Variants in DST observed in about 807,000 individuals in gnomAD.
The protein encoded by DST is dystonin.
In DST, 253 loss-of-function variants were observed where a neutral mutation model predicts 875.2. The observed-to-expected ratio is 0.29, with a 90% CI of 0.26 to 0.32. The LOEUF is 0.32. Ranked by LOEUF, DST falls within the 10% of genes least tolerant of loss-of-function variation. The pLI is 1.00. For missense variants in DST, 8,287 were observed against 9,111.6 expected (o/e 0.91, Z 3.68); for synonymous variants, 3,124 against 3,197.1 (o/e 0.98, Z 0.77).
At chr6:56,751,109 T>C (rs550459864) in intron 4 of DST, among the ~76,000 whole-genome samples, 3 of 152,166 alleles carry the variant, frequency 2.0e-5, no homozygotes, top group African/African-American at 7.2e-5. Context: ...CAGATGAAGA[T>C]CAAAACAAGA....
intron 3 of DST, among the ~76,000 whole-genome samples, chr6:56,872,832 C>CTT (rs1554220821): frequency 0.028 from 3,551 of 127,808 alleles, 153 homozygotes; most frequent in African/African-American, 0.094. Flanking sequence ...TCCCCCCCCC[C>CTT]TTTTTTTTTT....
intron 10 of DST, among the ~76,000 whole-genome samples, chr6:56,660,613 C>CAAAA (rs34162063): frequency 1.1e-5 from 1 of 89,088 alleles, no homozygotes; most frequent in East Asian, 3.2e-4. Flanking sequence ...TTGCAATCAC[C>CAAAA]AAAAAAAAAA....
At chr6:56,547,403 C>T (rs978521504) in intron 61 of DST, among the ~76,000 whole-genome samples, 1 of 152,120 alleles carries the variant, frequency 6.6e-6, no homozygotes, top group Admixed American at 6.5e-5. Flanking sequence ...AAAAGCCATG[C>T]ATCTAGTTAC....
chr6:56,761,713 A>T (rs1478008481), intron 4 of DST, among the ~76,000 whole-genome samples: 5 of 152,156 alleles, frequency 3.3e-5, no homozygotes, highest in Non-Finnish European at 7.3e-5. Flanking sequence ...TTAAAAAAAA[A>T]AAATAAGCTT....
intron 58 of DST, among the ~76,000 whole-genome samples, chr6:56,558,250 G>A (rs2097461842): frequency 6.6e-6 from 1 of 151,924 alleles, no homozygotes; most frequent in Non-Finnish European, 1.5e-5. Flanking sequence ...AAAATTATTT[G>A]TATTTTTTAC....
chr6:56,605,420 TTTC>T lies in DST; in HGVS notation c.9205_9207del (p.Glu3069del), dbSNP rs2152709390. The T allele has an allele frequency of 6.2e-7, 1 of 1,612,902 alleles. No individual in the cohort carries two copies. Among genetic ancestry groups the T allele is most frequent in the South Asian group, 1.1e-5 (1 of 91,046 alleles). The stretch of plus-strand genomic sequence containing the variant: ...CCAGGCAAAAGTTTGAGATGCCTAT[TTTC>T]TTCTTCTACTAGACCTTCTACAAGC... On this transcript the variant is annotated inframe_deletion, in exon 40 of 104. Transcript: ENST00000680361.
intron 102 of DST, chr6:56,460,870 T>C (rs543407902): frequency 6.5e-4 from 99 of 152,296 alleles, no homozygotes; most frequent in African/African-American, 2.3e-3. Context: ...ACAAAATACA[T>C]AGGCAACATT....
chr6:56,599,310 T>C (rs1362514389), intron 45 of DST, among the ~76,000 whole-genome samples: 4 of 152,242 alleles, frequency 2.6e-5, no homozygotes, highest in African/African-American at 4.8e-5. Context: ...ATTTTCATTC[T>C]CTATATGATA....
rs1214673096 is a variant in DST, at chr6:56,598,622, T to G, written c.11782A>C (p.Lys3928Gln). 6.2e-7 allele frequency: 1 copy of G among 1,612,260 alleles called. No individual in the cohort carries two copies. The change falls in exon 46 of 104, where the codon AAG (lysine) becomes CAG (glutamine). Residue 3928 changes from lysine to glutamine, a missense_variant. By Grantham distance (53) the Lys-to-Gln change is moderately conservative (BLOSUM62 1). Around this residue, in one of 10 missense-constraint regions of DST, gnomAD observed 1,513 missense variants for 1,677.8 expected, o/e 0.90. Coordinates refer to ENST00000680361, the MANE Select transcript of DST (RefSeq NM_001374736.1). ...AAAGCCTTATCTTCCTGTGACAGCTTTTCACCATTCTCTTTTAAGAAGTTC... is the reference window on the plus strand; with the variant it reads ...AAAGCCTTATCTTCCTGTGACAGCTGTTCACCATTCTCTTTTAAGAAGTTC... ...TENFLKENGE[K>Q]LSQEDKALIE...
chr6:56,622,947 T>C (rs989155989), intron 36 of DST, among the ~76,000 whole-genome samples: 3 of 152,236 alleles, frequency 2.0e-5, no homozygotes, highest in Admixed American at 6.5e-5. Flanking sequence ...AGGTTTTTCA[T>C]GTGGGTCTTC....
At chr6:56,492,089 G>T in intron 85 of DST, 138 bp downstream of exon 85, 1 of 815,454 alleles carries the variant, frequency 1.2e-6, no homozygotes. Context: ...AGCCCTTTTA[G>T]GAAAGAACCA....
chr6:56,808,533 A>G (rs1373096096), intron 4 of DST, among the ~76,000 whole-genome samples: 2 of 152,254 alleles, frequency 1.3e-5, no homozygotes, highest in Admixed American at 6.5e-5. Context: ...CCATTTATCT[A>G]ATATGTTGTA....
chr6:56,642,548 C>G lies in DST; in HGVS notation c.1779-45G>C, dbSNP rs559901786. ...AAAATAAAGCTTCTCCCTTTGAAGT[C>G]AAAGAGCTCACCATTCCTGAAAAGT... On this transcript the variant is annotated intron_variant, in intron 15 of 103. Coordinates refer to ENST00000680361, the MANE Select transcript of DST (RefSeq NM_001374736.1). 6.2e-5 allele frequency: 99 copies of G among 1,608,628 alleles called. No homozygotes were observed. In the South Asian group the frequency reaches 1.0e-3, roughly 17 times the overall value.
chr6:56,796,297 C>T (rs571414752), intron 4 of DST, among the ~76,000 whole-genome samples: 1 of 152,338 alleles, frequency 6.6e-6, no homozygotes, highest in East Asian at 1.9e-4. Context: ...AAGAAAGAAA[C>T]AGTCATAATT....
At chr6:56,830,314 C>T (rs909533850) in intron 4 of DST, among the ~76,000 whole-genome samples, 3 of 152,078 alleles carry the variant, frequency 2.0e-5, no homozygotes, top group African/African-American at 7.2e-5. Flanking sequence ...TGGAACTGTA[C>T]ACGCAGTAGT....
intron 69 of DST, among the ~76,000 whole-genome samples, chr6:56,522,950 T>C (rs4715628): frequency 0.66 from 100,632 of 151,944 alleles, 33,821 homozygotes; most frequent in Non-Finnish European, 0.7. Context: ...ACAAAGCTTG[T>C]AGAAAGAAAG....
At chr6:56,848,041 C>CT (rs1376013468) in intron 4 of DST, among the ~76,000 whole-genome samples, 2 of 152,034 alleles carry the variant, frequency 1.3e-5, no homozygotes, top group African/African-American at 4.8e-5. Flanking sequence ...ATTTCAAGTC[C>CT]TTCCTTCTAG....
chr6:56,617,968 T>A, intron 36 of DST: 1 of 1,604,562 alleles, frequency 6.2e-7, no homozygotes, highest in East Asian at 2.2e-5. Flanking sequence ...TGATAAGGTC[T>A]CAGAACACAG....
At chr6:56,924,558 C>T (rs926796487) in intron 2 of DST, among the ~76,000 whole-genome samples, 5 of 152,048 alleles carry the variant, frequency 3.3e-5, no homozygotes, top group African/African-American at 1.2e-4. Flanking sequence ...GGTGTCTTGC[C>T]GATACAAGCA....
Sources: allele counts gnomAD v4.1 joint callset (sites outside exome capture counted in the v4.1 genomes callset), GRCh38; gene constraint gnomAD v4.1.1; regional missense constraint gnomAD v4.1.1; transcripts MANE v1.5; gene names NCBI Gene and HGNC (gene_info 2026-07-23, HGNC 2026-07-21).